The following RAB27B variants were observed in gnomAD, a reference collection of about 807,000 sequenced individuals.
RAB27B encodes the protein RAB27B, member RAS oncogene family.
A neutral mutation model predicts 24.6 loss-of-function variants in RAB27B; 15 were observed. That is an observed-to-expected ratio of 0.61 (90% CI 0.41 to 0.94). The LOEUF (loss-of-function observed/expected upper bound fraction) is 0.94, where lower values mean the gene tolerates loss of function less well. RAB27B is among the 40% of genes least tolerant of loss of function. The pLI is 0.00. For synonymous variants in RAB27B, 105 were observed against 92.5 expected (o/e 1.14, Z -0.78); for missense variants, 261 against 266.8 (o/e 0.98, Z 0.15).
intron 2 of RAB27B, among the ~76,000 whole-genome samples, chr18:54,776,364 C>G (rs1184367489): frequency 1.1e-4 from 16 of 152,196 alleles, no homozygotes; most frequent in Admixed American, 1.0e-3. Flanking sequence ...CAGCCTGATT[C>G]ATATTGAGTA....
intron 1 of RAB27B, among the ~76,000 whole-genome samples, chr18:54,832,123 G>A (rs1373041025): frequency 1.3e-5 from 2 of 152,118 alleles, no homozygotes; most frequent in East Asian, 1.9e-4. Flanking sequence ...AGACTAAGTC[G>A]TAGGGTGACC....
At chr18:54,883,071 G>A (rs1181872771) in intron 3 of RAB27B, among the ~76,000 whole-genome samples, 1 of 152,062 alleles carries the variant, frequency 6.6e-6, no homozygotes, top group Non-Finnish European at 1.5e-5. Flanking sequence ...GGTGAAGGAG[G>A]AAGGGATCAT....
At chr18:54,801,793 G>A (rs1296783216) in intron 2 of RAB27B, among the ~76,000 whole-genome samples, 1 of 152,204 alleles carries the variant, frequency 6.6e-6, no homozygotes, top group Non-Finnish European at 1.5e-5. Context: ...TAAGATTTGG[G>A]ACCTTTGATC....
rs1460340321 is a variant in RAB27B, at chr18:54,895,177, G to A, written c.*5764G>A. On this transcript the variant is annotated 3_prime_UTR_variant, in exon 6 of 6. Transcript: ENST00000262094. ...TAATATAACACTGAAGTGCTTCATT[G>A]TATCCCAACAGTTTACCTTCAAGTA... 1 of 152,012 alleles carries A rather than the reference G, an allele frequency of 6.6e-6. No homozygotes were observed. Among genetic ancestry groups the A allele is most frequent in the East Asian group, 1.9e-4 (1 of 5,184 alleles). 9.4% of individuals were successfully genotyped at this position (152,012 alleles called of 1,614,324 possible).
intron 2 of RAB27B, among the ~76,000 whole-genome samples, chr18:54,877,991 G>A (rs1002533000): frequency 1.3e-5 from 2 of 152,060 alleles, no homozygotes; most frequent in Non-Finnish European, 2.9e-5. Context: ...TTACTGATTT[G>A]CATAGTGTGT....
chr18:54,718,848 T>C (rs1215305690), intron 2 of RAB27B, among the ~76,000 whole-genome samples: 2 of 152,212 alleles, frequency 1.3e-5, no homozygotes, highest in Admixed American at 6.5e-5. Context: ...TTGAAGGTGC[T>C]TTTTAAGAGC....
chr18:54,750,165 C>T (rs1907785213), intron 2 of RAB27B, among the ~76,000 whole-genome samples: 1 of 152,162 alleles, frequency 6.6e-6, no homozygotes, highest in Non-Finnish European at 1.5e-5. Flanking sequence ...AAGGGAACTG[C>T]TTCCTTCCAT....
At chr18:54,776,447 C>T (rs1458252108) in intron 2 of RAB27B, among the ~76,000 whole-genome samples, 1 of 152,114 alleles carries the variant, frequency 6.6e-6, no homozygotes, top group African/African-American at 2.4e-5. Context: ...CTGAAACCTC[C>T]ATCTCTTGTG....
At chr18:54,774,483 A>G (rs553374925) in intron 2 of RAB27B, among the ~76,000 whole-genome samples, 1 of 152,352 alleles carries the variant, frequency 6.6e-6, no homozygotes, top group East Asian at 1.9e-4. Flanking sequence ...CCAAACACAG[A>G]GCATTTGACA....
At chr18:54,727,348 G>A (rs1252617929) in intron 2 of RAB27B, among the ~76,000 whole-genome samples, 57 of 152,082 alleles carry the variant, frequency 3.7e-4, no homozygotes, top group Admixed American at 3.7e-3. Context: ...AGAGAGTCAG[G>A]TGTATATATA....
In RAB27B at chr18:54,889,569, G is replaced by C; in HGVS notation, c.*156G>C. 1.5e-6 allele frequency: 1 copy of C among 678,964 alleles called. No individual in the cohort carries two copies. The highest frequency in any genetic ancestry group is 2.3e-6 in the Non-Finnish European group (1 of 430,212). 42.1% of individuals were successfully genotyped at this position (678,964 alleles called of 1,614,324 possible). On this transcript the variant is annotated 3_prime_UTR_variant, in exon 6 of 6. Coordinates refer to ENST00000262094, the MANE Select transcript of RAB27B (RefSeq NM_004163.4). ...TTTTAAGAAACCAGAATAGTCAACA[G>C]TGTTCAAAAGAATTGACTAGTTATC...
intron 1 of RAB27B, among the ~76,000 whole-genome samples, chr18:54,861,128 A>G (rs560328920): frequency 6.6e-6 from 1 of 152,290 alleles, no homozygotes; most frequent in East Asian, 1.9e-4. Flanking sequence ...AGATATTTTG[A>G]TTAGTTTGCC....
rs568163489 is a variant in RAB27B, at chr18:54,731,313, G to C, written c.-20+13172G>C. Reference sequence around the variant, plus strand: ...CAACAAAAAAATGGGCAAATCCATAGTCATAGTGAGAGATTTGACCAAAGT... The same window carrying C: ...CAACAAAAAAATGGGCAAATCCATACTCATAGTGAGAGATTTGACCAAAGT... On this transcript the variant is annotated intron_variant, in intron 2 of 4. Coordinates refer to the RAB27B transcript ENST00000586570. Among the ~76,000 whole-genome samples the C allele has an allele frequency of 1.1e-4, 16 of 152,332 alleles. 1 individual carries two copies. In the South Asian group the frequency reaches 3.3e-3, roughly 32 times the overall value.
At chr18:54,812,779 C>T (rs560856095) in intron 2 of RAB27B, among the ~76,000 whole-genome samples, 22 of 152,110 alleles carry the variant, frequency 1.4e-4, no homozygotes, top group East Asian at 1.9e-4. Context: ...TAATTTAAAT[C>T]GTAGTGTGAG....
intron 2 of RAB27B, among the ~76,000 whole-genome samples, chr18:54,803,391 C>T (rs1404656217): frequency 6.6e-6 from 1 of 152,134 alleles, no homozygotes; most frequent in African/African-American, 2.4e-5. Flanking sequence ...GGCCAGAGTG[C>T]AGCAAGCAAG....
intron 1 of RAB27B, among the ~76,000 whole-genome samples, chr18:54,868,405 T>G (rs1227633934): frequency 6.6e-6 from 1 of 152,154 alleles, no homozygotes; most frequent in African/African-American, 2.4e-5. Flanking sequence ...GCACCATGCT[T>G]CCTGTAAAGC....
intron 2 of RAB27B, among the ~76,000 whole-genome samples, chr18:54,747,631 A>G (rs1910294704): frequency 6.6e-6 from 1 of 152,156 alleles, no homozygotes; most frequent in Non-Finnish European, 1.5e-5. Flanking sequence ...GTATGTGCCC[A>G]CCTGCATGTA....
chr18:54,835,210 T>G (rs1292940805), intron 1 of RAB27B, among the ~76,000 whole-genome samples: 1 of 151,928 alleles, frequency 6.6e-6, no homozygotes, highest in African/African-American at 2.4e-5. Context: ...CTTAGTGCCT[T>G]TGAAAAAGTA....
intron 5 of RAB27B, 143 bp downstream of exon 5, chr18:54,888,261 T>C (rs551902836): frequency 8.9e-6 from 8 of 897,324 alleles, no homozygotes; most frequent in Admixed American, 3.1e-5. Context: ...GAGATATATA[T>C]GATGTATTAA....
Sources: gnomAD v4.1 joint callset for allele counts (sites outside exome capture counted in the v4.1 genomes callset) on GRCh38, gnomAD v4.1.1 for gene constraint, MANE v1.5 for transcripts, NCBI Gene and HGNC (gene_info 2026-07-23, HGNC 2026-07-21) for gene names.